ASTN2: variants seen among roughly 807,000 people sequenced by gnomAD.
The protein encoded by ASTN2 is astrotactin 2, also known as astrotactin-2.
A neutral mutation model predicts 139.8 loss-of-function variants in ASTN2; 54 were observed. The ratio of observed to expected loss-of-function variants is 0.39; its 90% confidence interval spans 0.31 to 0.48. The LOEUF is 0.48. Ranked by LOEUF, ASTN2 falls within the 20% of genes least tolerant of loss-of-function variation. The pLI is 0.95. For missense variants in ASTN2, 1,565 were observed against 1,725.1 expected (o/e 0.91, Z 1.64); for synonymous variants, 756 against 719.5 (o/e 1.05, Z -0.81).
chr9:116,824,069 T>C (rs1002861154), intron 11 of ASTN2, among the ~76,000 whole-genome samples: 2 of 152,142 alleles, frequency 1.3e-5, no homozygotes, highest in African/African-American at 4.8e-5. Context: ...ATTGGTGGAG[T>C]GCTAGAAATG....
chr9:116,515,109 G>T (rs909361527), intron 19 of ASTN2, among the ~76,000 whole-genome samples: 2 of 151,952 alleles, frequency 1.3e-5, no homozygotes, highest in Non-Finnish European at 2.9e-5. Context: ...CTGAAGACTG[G>T]AGCTGTCCTA....
intron 16 of ASTN2, among the ~76,000 whole-genome samples, chr9:116,681,340 G>A (rs1859851818): frequency 6.6e-6 from 1 of 152,106 alleles, no homozygotes; most frequent in South Asian, 2.1e-4. Flanking sequence ...CCTCTTCAAG[G>A]AGAACTACAA....
intron 4 of ASTN2, among the ~76,000 whole-genome samples, chr9:117,122,985 G>A (rs1262514815): frequency 6.6e-6 from 1 of 152,038 alleles, no homozygotes; most frequent in Non-Finnish European, 1.5e-5. Flanking sequence ...CTCCAAAAGG[G>A]GCTGGAATCA....
intron 10 of ASTN2, among the ~76,000 whole-genome samples, chr9:116,920,189 G>C (rs1380655474): frequency 2.6e-5 from 4 of 152,162 alleles, no homozygotes; most frequent in Non-Finnish European, 4.4e-5. Context: ...CCTGGATAAA[G>C]GACCTTTTTC....
Position 117,052,863 on chromosome 9 carries a change from G to A in ASTN2, c.1277-12898C>T, listed in dbSNP as rs368565121. Reference sequence around the variant, plus strand: ...AGAGCTGGTCATGCGATTCAAAACTGTGTGATGTTCTAAACAGAATATAGA... The same window carrying A: ...AGAGCTGGTCATGCGATTCAAAACTATGTGATGTTCTAAACAGAATATAGA... On this transcript the variant is annotated intron_variant, in intron 5 of 22. Transcript: ENST00000313400. Among the ~76,000 whole-genome samples the A allele has an allele frequency of 5.9e-5, 9 of 152,332 alleles. No homozygotes were observed. The East Asian group carries it at 1.7e-3, about 29-fold the overall frequency.
chr9:116,653,157 C>T (rs759205750), intron 16 of ASTN2, among the ~76,000 whole-genome samples: 3 of 152,168 alleles, frequency 2.0e-5, no homozygotes, highest in Non-Finnish European at 4.4e-5. Flanking sequence ...CATGGTGCGA[C>T]GGATGTATTT....
Position 116,620,428 on chromosome 9 carries a change from G to C in ASTN2, c.3088C>G (p.Leu1030Val), listed in dbSNP as rs1213256569. Reference protein sequence around the residue: ...NGTKEAFKSALMSSYWCSGKG... With the variant: ...NGTKEAFKSAVMSSYWCSGKG... ...CCTGAGCACCAGTAGGAACTCATCA[G>C]TGCACTCTTGAAGGCCTGGACAAAA... is the stretch of plus-strand genomic sequence containing the variant. Residue 1030 changes from leucine to valine, a missense_variant, in exon 18 of 23, where the codon CTG becomes GTG. Physicochemically the swap from Leu to Val is conservative, Grantham distance 32. Transcript: ENST00000313400. 79 of 1,614,140 alleles carry C rather than the reference G, an allele frequency of 4.9e-5. No individual in the cohort carries two copies. Among genetic ancestry groups the C allele is most frequent in the Non-Finnish European group, 6.5e-5 (77 of 1,180,010 alleles).
chr9:117,199,559 T>C (rs1315602394), intron 3 of ASTN2, among the ~76,000 whole-genome samples: 7 of 152,314 alleles, frequency 4.6e-5, no homozygotes, highest in African/African-American at 1.4e-4. Flanking sequence ...TCAGGTATTG[T>C]AATGTCTCCA....
chr9:117,239,274 C>A (rs1056054379), intron 2 of ASTN2, among the ~76,000 whole-genome samples: 2 of 152,130 alleles, frequency 1.3e-5, no homozygotes, highest in Non-Finnish European at 2.9e-5. Flanking sequence ...TTGGGCTAGG[C>A]ACCTGAAGCA....
At chr9:116,686,918 T>G in intron 16 of ASTN2, 2 of 1,505,422 alleles carry the variant, frequency 1.3e-6, no homozygotes, top group Non-Finnish European at 1.8e-6. Context: ...AAGTTTGATT[T>G]TTCCGTTGGC....
chr9:116,644,909 T>A (rs949288228), intron 17 of ASTN2, among the ~76,000 whole-genome samples: 12 of 152,154 alleles, frequency 7.9e-5, no homozygotes, highest in Non-Finnish European at 4.4e-5. Context: ...GTTAGCCTGC[T>A]TTTCTCATCA....
intron 11 of ASTN2, among the ~76,000 whole-genome samples, chr9:116,861,973 C>CTTTTTTTTTTT (rs56282333): frequency 7.5e-6 from 1 of 133,654 alleles, no homozygotes; most frequent in South Asian, 2.4e-4. Flanking sequence ...TTTCCTTCTT[C>CTTTTTTTTTTT]TTTTTTTTTT....
intron 1 of ASTN2, among the ~76,000 whole-genome samples, chr9:117,406,351 G>A (rs1159295641): frequency 1.3e-5 from 2 of 152,140 alleles, no homozygotes; most frequent in African/African-American, 4.8e-5. Context: ...ACATAAGTCA[G>A]ACCTTGGCAC....
At chr9:116,903,723 G>T (rs996659166) in intron 10 of ASTN2, among the ~76,000 whole-genome samples, 1 of 152,178 alleles carries the variant, frequency 6.6e-6, no homozygotes, top group African/African-American at 2.4e-5. Context: ...AGCCCAGGGT[G>T]TGGCATGTGA....
chr9:117,327,622 T>C (rs1289044599), intron 1 of ASTN2, among the ~76,000 whole-genome samples: 25 of 152,116 alleles, frequency 1.6e-4, no homozygotes, highest in Non-Finnish European at 1.3e-4. Context: ...ATCATGACAG[T>C]ACTGGTGTGT....
chr9:116,688,422 C>A (rs1264114797), intron 16 of ASTN2, among the ~76,000 whole-genome samples: 1 of 151,880 alleles, frequency 6.6e-6, no homozygotes, highest in African/African-American at 2.4e-5. Context: ...GTTCAGGGGA[C>A]CCAAGGACCT....
intron 16 of ASTN2, among the ~76,000 whole-genome samples, chr9:116,704,648 C>G (rs1827943922): frequency 6.6e-6 from 1 of 152,124 alleles, no homozygotes; most frequent in Non-Finnish European, 1.5e-5. Context: ...ATTTTCAGAC[C>G]TGTATTGGTG....
chr9:116,502,714 GGAAGGAAGGAAGGAAGGAATGAAT>G (rs778680025), intron 19 of ASTN2, among the ~76,000 whole-genome samples: 16,250 of 69,412 alleles, frequency 0.23, 1,637 homozygotes, highest in Non-Finnish European at 0.27. Context: ...AAGGAAGGAA[GGAAGGAAGGAAGGAAGGAATGAAT>G]GAATGAATGA....
rs140458736 is a variant in ASTN2, at chr9:117,141,393, G to A, written c.1101C>T (p.Ile367=). The A allele has an allele frequency of 3.9e-5, 53 of 1,367,518 alleles. No individual in the cohort carries two copies. Among genetic ancestry groups the A allele is most frequent in the African/African-American group, 3.2e-4 (22 of 67,870 alleles). The allele number at this position is 1,367,518 out of a possible 1,614,324, so 84.7% of individuals were successfully genotyped here. Residue 367 remains isoleucine, a synonymous_variant, in exon 4 of 23, where the codon ATC becomes ATT. Transcript: ENST00000313400. ...ESFRANTPIE[I]GQLQPPLRST... ...TGCGCAGGGGTGGTTGCAGCTGACCGATCTCGATGGGCGTGTTAGCGCGGA... is the reference window on the plus strand; with the variant it reads ...TGCGCAGGGGTGGTTGCAGCTGACCAATCTCGATGGGCGTGTTAGCGCGGA...
Sources: allele counts gnomAD v4.1 joint callset (sites outside exome capture counted in the v4.1 genomes callset), GRCh38; gene constraint gnomAD v4.1.1; transcripts MANE v1.5; gene names NCBI Gene and HGNC (gene_info 2026-07-23, HGNC 2026-07-21).